GINS2: variants seen among roughly 807,000 people sequenced by gnomAD.
The protein encoded by GINS2 is GINS complex subunit 2, also known as DNA replication complex GINS protein PSF2.
Under a neutral mutation model 21.2 loss-of-function variants are expected in GINS2, and 23 were observed. The observed-to-expected ratio is 1.08, with a 90% CI of 0.78 to 1.53. GINS2 has a LOEUF of 1.53. Ranked by LOEUF, GINS2 falls within the 40% of genes most tolerant of loss-of-function variation. The pLI is 0.00. For synonymous variants in GINS2, 118 were observed against 85.6 expected (o/e 1.38, Z -2.09); for missense variants, 323 against 233.9 (o/e 1.38, Z -2.49).
At chr16:85,686,099 T>C (rs925903349) in intron 2 of GINS2, among the ~76,000 whole-genome samples, 1 of 152,184 alleles carries the variant, frequency 6.6e-6, no homozygotes, top group Non-Finnish European at 1.5e-5. Flanking sequence ...GCATCTTTGA[T>C]TTGTTTCAGT....
chr16:85,680,563 T>C (rs939303872), intron 3 of GINS2, among the ~76,000 whole-genome samples: 2 of 151,984 alleles, frequency 1.3e-5, no homozygotes, highest in African/African-American at 4.8e-5. Context: ...ACTGGGGACA[T>C]ATGCATACGA....
At position 85,688,776 on chromosome 16, in the gene GINS2, G is replaced by A. The variant is rs747807499; in HGVS notation, c.90+33C>T. On this transcript the variant is annotated intron_variant, in intron 1 of 4. Coordinates refer to ENST00000253462, the MANE Select transcript of GINS2 (RefSeq NM_016095.3). ...GGGAGCCCCGGACGCGCCCAGCCCG[G>A]CCTCCCCTCCCCACGGCGGGCCCAG... 2.1e-5 allele frequency: 29 copies of A among 1,385,266 alleles called. No individual in the cohort carries two copies. In the South Asian group the frequency reaches 3.3e-4, roughly 16 times the overall value. 85.8% of individuals were successfully genotyped at this position (1,385,266 alleles called of 1,614,324 possible). A position where few individuals can be genotyped will look rare whatever the true frequency, so the allele number is the denominator to read the frequency against.
chr16:85,688,900 G>A lies in GINS2; in HGVS notation c.-2C>T, dbSNP rs1002822047. ...GAATTCGACCTCGGCAGCGTCCATG[G>A]CGGCGCGAGCTGCAGGCCAGAGCCT... On this transcript the variant is annotated 5_prime_UTR_variant, in exon 1 of 5. Transcript: ENST00000253462. The A allele has an allele frequency of 1.3e-6, 2 of 1,535,412 alleles. No homozygotes were observed. Among genetic ancestry groups the A allele is most frequent in the South Asian group, 1.2e-5 (1 of 82,552 alleles).
At chr16:85,685,685 A>AAAAAAAAAAACAAAAAAAAAAAAAAAAC (rs56405044) in intron 2 of GINS2, among the ~76,000 whole-genome samples, 1 of 120,900 alleles carries the variant, frequency 8.3e-6, no homozygotes, top group Non-Finnish European at 1.9e-5. Context: ...AAAAAAAAAA[A>AAAAAAAAAAACAAAAAAAAAAAAAAAAC]AAAAAACCGT....
intron 3 of GINS2, among the ~76,000 whole-genome samples, chr16:85,679,801 C>G (rs1327017182): frequency 6.6e-6 from 1 of 152,210 alleles, no homozygotes; most frequent in African/African-American, 2.4e-5. Flanking sequence ...CCATCCCCAC[C>G]ACCACTACAG....
chr16:85,681,000 G>C (rs1208273564), intron 3 of GINS2, among the ~76,000 whole-genome samples: 2 of 152,258 alleles, frequency 1.3e-5, no homozygotes, highest in Admixed American at 1.3e-4. Flanking sequence ...GCTGAGATGT[G>C]AAGAATGAAT....
intron 3 of GINS2, among the ~76,000 whole-genome samples, chr16:85,678,999 A>C (rs1203171481): frequency 6.6e-6 from 1 of 152,136 alleles, no homozygotes; most frequent in Non-Finnish European, 1.5e-5. Context: ...ACCTCCATCT[A>C]CAAGGAATCA....
intron 3 of GINS2, among the ~76,000 whole-genome samples, chr16:85,681,358 A>T (rs933562561): frequency 4.6e-5 from 7 of 152,212 alleles, no homozygotes; most frequent in African/African-American, 1.7e-4. Context: ...AGAGACAGAG[A>T]AAGGCAAAGA....
rs778049343 is a variant in GINS2 at position 85,681,722 on chromosome 16, C to A, written c.206-41G>T. 9 of 1,241,286 alleles carry A rather than the reference C, an allele frequency of 7.3e-6. No individual in the cohort carries two copies. The South Asian group carries it at 7.5e-5, about 10-fold the overall frequency. 76.9% of individuals were successfully genotyped at this position (1,241,286 alleles called of 1,614,324 possible). On this transcript the variant is annotated intron_variant, in intron 2 of 4. Coordinates refer to ENST00000253462, the MANE Select transcript of GINS2 (RefSeq NM_016095.3). ...TAATACATTTTACCATCATTATAAC[C>A]AAGATATTTATTAAACCTTCCAAAT...
In GINS2 at chr16:85,678,641, CT is replaced by C. The variant is rs1418862337; in HGVS notation, c.330del (p.Asp111ThrfsTer15). 2 of 1,613,858 alleles carry C rather than the reference CT, an allele frequency of 1.2e-6. No homozygotes were observed. Among genetic ancestry groups the C allele is most frequent in the Non-Finnish European group, 8.5e-7 (1 of 1,179,988 alleles). On this transcript the variant is annotated frameshift_variant, in exon 4 of 5. Transcript: ENST00000253462. LOFTEE classifies it high-confidence loss of function. Reference sequence around the variant, plus strand: ...TCCTTGACCAGGGTCCGGATTTCGTCTGCCTTCGGGATGTTGTCTGAAGCAC... The same window carrying C: ...TCCTTGACCAGGGTCCGGATTTCGTCGCCTTCGGGATGTTGTCTGAAGCAC... ...LNHASDNIPK[A>X]DEIRTLVKDM... is the part of the protein sequence containing the mutation.
In GINS2 at chr16:85,677,484, C is replaced by G. The variant is rs947431442; in HGVS notation, c.*728G>C. The G allele has an allele frequency of 2.0e-5, 3 of 152,176 alleles. No individual in the cohort carries two copies. Among genetic ancestry groups the G allele is most frequent in the Non-Finnish European group, 4.4e-5 (3 of 68,044 alleles). 9.4% of individuals were successfully genotyped at this position (152,176 alleles called of 1,614,324 possible). A position where few individuals can be genotyped will look rare whatever the true frequency, so the allele number is the denominator to read the frequency against. ...TACATTGGATTCGTTTTTTTCCTGA[C>G]TCTCCTCTTGATAAGCAACCCATTA... On this transcript the variant is annotated 3_prime_UTR_variant, in exon 5 of 5. Transcript: ENST00000253462.
intron 1 of GINS2, chr16:85,687,851 C>G (rs1333777367): frequency 3.4e-6 from 1 of 294,272 alleles, no homozygotes; most frequent in Non-Finnish European, 6.3e-6. Flanking sequence ...CCTGCACCCT[C>G]CAACTCCGGA....
chr16:85,687,239 T>C (rs570083329), intron 2 of GINS2, among the ~76,000 whole-genome samples: 2 of 152,332 alleles, frequency 1.3e-5, no homozygotes, highest in South Asian at 4.1e-4. Flanking sequence ...ACTACAACTT[T>C]CACACACACC....
At chr16:85,678,702 C>G (rs2053707513) in intron 3 of GINS2, 36 bp from the exon 4 acceptor site, 4 of 1,599,836 alleles carry the variant, frequency 2.5e-6, no homozygotes, top group Admixed American at 3.4e-5. Flanking sequence ...TCGGGGAACA[C>G]TTGATAACCT....
At chr16:85,679,426 C>T (rs34742133) in intron 3 of GINS2, among the ~76,000 whole-genome samples, 121 of 152,292 alleles carry the variant, frequency 7.9e-4, no homozygotes, top group African/African-American at 2.6e-3. Flanking sequence ...AAATATTGTT[C>T]GTCACTAGGC....
chr16:85,678,136 G>A lies in GINS2; in HGVS notation c.*76C>T, dbSNP rs2053698730. 1 of 1,327,650 alleles carries A rather than the reference G, an allele frequency of 7.5e-7. No individual in the cohort carries two copies. The highest frequency in any genetic ancestry group is 1.5e-5 in the African/African-American group (1 of 68,678). 82.2% of individuals were successfully genotyped at this position (1,327,650 alleles called of 1,614,324 possible). On this transcript the variant is annotated 3_prime_UTR_variant, in exon 5 of 5. Transcript: ENST00000253462. ...TTCATGCATCAGAAGTGTTTCTAGA[G>A]CTCCAGAACCACGAGTACCTCATCA...
intron 2 of GINS2, among the ~76,000 whole-genome samples, chr16:85,683,653 C>T (rs937577416): frequency 1.3e-5 from 2 of 152,226 alleles, no homozygotes; most frequent in Non-Finnish European, 2.9e-5. Context: ...CTTCAAAACA[C>T]ACCTAGACAC....
intron 2 of GINS2, among the ~76,000 whole-genome samples, chr16:85,682,802 A>C (rs1176739847): frequency 6.6e-6 from 1 of 152,164 alleles, no homozygotes; most frequent in Non-Finnish European, 1.5e-5. Context: ...ACTATAGCTA[A>C]GGGACAAGCA....
Position 85,678,221 on chromosome 16 carries a change from C to T in GINS2, c.549G>A (p.Gln183=), listed in dbSNP as rs748297747. 2 of 1,613,496 alleles carry T rather than the reference C, an allele frequency of 1.2e-6. No homozygotes were observed. Among genetic ancestry groups the T allele is most frequent in the Non-Finnish European group, 1.7e-6 (2 of 1,179,930 alleles). ...NLQPLESTQS[Q]DF ...TGCACCAGGCCTTTCTCTAGAAGTCCTGAGACTGAGTACTCTCCAGAGGCT... is the reference window on the plus strand; with the variant it reads ...TGCACCAGGCCTTTCTCTAGAAGTCTTGAGACTGAGTACTCTCCAGAGGCT... Residue 183 remains glutamine (Q), a synonymous_variant, in exon 5 of 5, where the codon CAG becomes CAA. Transcript: ENST00000253462.
Sources: gnomAD v4.1 joint callset for allele counts (sites outside exome capture counted in the v4.1 genomes callset) on GRCh38, gnomAD v4.1.1 for gene constraint, MANE v1.5 for transcripts, NCBI Gene and HGNC (gene_info 2026-07-23, HGNC 2026-07-21) for gene names.